GOLGA5: variants seen among roughly 807,000 people sequenced by gnomAD.
GOLGA5 encodes golgin subfamily A member 5.
Under a neutral mutation model 93.5 loss-of-function variants are expected in GOLGA5, and 50 were observed. The observed-to-expected ratio is 0.53, with a 90% confidence interval of 0.43 to 0.68. GOLGA5 has a LOEUF of 0.68. Ranked by LOEUF, GOLGA5 falls within the 30% of genes least tolerant of loss-of-function variation. GOLGA5 has a pLI of 0.00. For missense variants in GOLGA5, 760 were observed against 856.4 expected (o/e 0.89, Z 1.40); for synonymous variants, 312 against 304.5 (o/e 1.02, Z -0.26).
chr14:92,808,525 A>G (rs1036921121), intron 3 of GOLGA5, among the ~76,000 whole-genome samples: 53 of 152,076 alleles, frequency 3.5e-4, no homozygotes, highest in African/African-American at 1.3e-3. Flanking sequence ...GTACACCTGT[A>G]GGCTGAGCTA....
intron 10 of GOLGA5, among the ~76,000 whole-genome samples, chr14:92,834,676 C>T (rs988889034): frequency 6.6e-6 from 1 of 152,140 alleles, no homozygotes; most frequent in Admixed American, 6.5e-5. Context: ...TAGAATAGGC[C>T]GTTGAGGCCT....
chr14:92,831,290 C>G (rs777595122), intron 9 of GOLGA5, among the ~76,000 whole-genome samples: 6 of 152,328 alleles, frequency 3.9e-5, no homozygotes, highest in Non-Finnish European at 7.3e-5. Flanking sequence ...CACTAGAAGA[C>G]TTGTACATGA....
chr14:92,817,461 ATCT>A (rs1447512183), intron 7 of GOLGA5, among the ~76,000 whole-genome samples: 5 of 152,206 alleles, frequency 3.3e-5, no homozygotes, highest in Non-Finnish European at 7.3e-5. Flanking sequence ...CTCAGGGATG[ATCT>A]TCTAATTACA....
chr14:92,839,121 A>T (rs1885707222), intron 12 of GOLGA5, among the ~76,000 whole-genome samples: 1 of 152,234 alleles, frequency 6.6e-6, no homozygotes, highest in Admixed American at 6.5e-5. Flanking sequence ...TATTTTGCAT[A>T]CACGTGCATA....
chr14:92,811,412 CAAATT>C, intron 5 of GOLGA5, 134 bp from the exon 6 acceptor site: 1 of 635,260 alleles, frequency 1.6e-6, no homozygotes, highest in East Asian at 2.8e-5. Context: ...TAGCTCCTAA[CAAATT>C]AAGAATTTTT....
chr14:92,819,880 C>T (rs201241138), intron 8 of GOLGA5, 44 bp downstream of exon 8: 17 of 1,597,792 alleles, frequency 1.1e-5, no homozygotes, highest in African/African-American at 2.7e-5. Flanking sequence ...TGTCCTCTAG[C>T]GGTCATATGA....
At chr14:92,814,560 G>GT (rs1437359475) in intron 6 of GOLGA5, among the ~76,000 whole-genome samples, 3 of 151,894 alleles carry the variant, frequency 2.0e-5, no homozygotes, top group African/African-American at 4.8e-5. Context: ...GAGGTTTCTG[G>GT]TTTTTTATTA....
intron 8 of GOLGA5, 128 bp downstream of exon 8, chr14:92,819,964 G>A (rs1318268343): frequency 3.6e-6 from 3 of 824,054 alleles, no homozygotes; most frequent in East Asian, 2.7e-5. Context: ...AGTTCCTCCT[G>A]CCTTCCCATC....
At chr14:92,828,191 A>G (rs1885459829) in intron 9 of GOLGA5, among the ~76,000 whole-genome samples, 1 of 152,240 alleles carries the variant, frequency 6.6e-6, no homozygotes, top group Non-Finnish European at 1.5e-5. Flanking sequence ...CTCCTTCTCC[A>G]GGAGAGGAGA....
In GOLGA5 at chr14:92,816,363, A is replaced by G; in HGVS notation, c.1433A>G (p.Gln478Arg). Residue 478 changes from glutamine to arginine, a missense_variant, in exon 7 of 13, where the codon CAG becomes CGG. Transcript: ENST00000163416. The part of the protein sequence containing the change: ...LEELRHEKEM[Q>R]REEIQKLMGQ... ...GAACTTCGGCATGAGAAAGAGATGC[A>G]GAGGGAGGAAATACAGAAGCTGATG... 6.2e-7 allele frequency: 1 copy of G among 1,614,062 alleles called. No individual in the cohort carries two copies. The highest frequency in any genetic ancestry group is 8.5e-7 in the Non-Finnish European group (1 of 1,179,894).
At chr14:92,831,109 T>A (rs1280483582) in intron 9 of GOLGA5, among the ~76,000 whole-genome samples, 1 of 152,198 alleles carries the variant, frequency 6.6e-6, no homozygotes, top group Non-Finnish European at 1.5e-5. Flanking sequence ...TGGAAAAGAT[T>A]GGCAGTAGCA....
At chr14:92,806,261 A>G (rs1305711165) in intron 2 of GOLGA5, among the ~76,000 whole-genome samples, 1 of 152,158 alleles carries the variant, frequency 6.6e-6, no homozygotes, top group African/African-American at 2.4e-5. Flanking sequence ...CATATGCCCC[A>G]TTTATGAGAA....
chr14:92,806,391 C>T (rs1884986582), intron 2 of GOLGA5, among the ~76,000 whole-genome samples: 1 of 152,220 alleles, frequency 6.6e-6, no homozygotes, highest in Non-Finnish European at 1.5e-5. Context: ...CTCACTGCAA[C>T]ACCTTTGGCC....
intron 1 of GOLGA5, among the ~76,000 whole-genome samples, chr14:92,796,456 C>A (rs1243869201): frequency 1.3e-5 from 2 of 152,154 alleles, no homozygotes; most frequent in East Asian, 3.9e-4. Flanking sequence ...TCTGCCTTCT[C>A]CCTCTGTCCT....
chr14:92,818,379 A>G (rs2140325586), intron 7 of GOLGA5, among the ~76,000 whole-genome samples: 1 of 152,324 alleles, frequency 6.6e-6, no homozygotes. Flanking sequence ...TTTATAGTTG[A>G]AGAAATTTAG....
chr14:92,806,717 C>T lies in GOLGA5; in HGVS notation c.545-19C>T, dbSNP rs370791208. On this transcript the variant is annotated intron_variant, in intron 2 of 12. Transcript: ENST00000163416. Reference sequence around the variant, plus strand: ...GATGAACACGCCAATGTAACAAAAACGTATTCTTTTTTTTACAGAAGCTGC... The same window carrying T: ...GATGAACACGCCAATGTAACAAAAATGTATTCTTTTTTTTACAGAAGCTGC... The T allele has an allele frequency of 5.3e-5, 82 of 1,543,298 alleles. 1 individual carries two copies. In the Middle Eastern group the frequency reaches 6.7e-4, roughly 13 times the overall value.
At chr14:92,812,589 C>T (rs573342839) in intron 6 of GOLGA5, among the ~76,000 whole-genome samples, 1 of 152,274 alleles carries the variant, frequency 6.6e-6, no homozygotes, top group African/African-American at 2.4e-5. Context: ...TTTCCTACTA[C>T]ATGTCTGAAA....
intron 8 of GOLGA5, among the ~76,000 whole-genome samples, chr14:92,820,148 C>T (rs187488672): frequency 6.6e-6 from 1 of 152,286 alleles, no homozygotes; most frequent in Admixed American, 6.5e-5. Context: ...CTCTGCGTTC[C>T]CTCAGTATTT....
intron 9 of GOLGA5, among the ~76,000 whole-genome samples, chr14:92,829,363 T>G (rs145499746): frequency 1.3e-5 from 2 of 152,146 alleles, no homozygotes; most frequent in Admixed American, 1.3e-4. Flanking sequence ...CTGGAAAAGA[T>G]TCACTATACT....
Sources: gnomAD v4.1 joint callset for allele counts (sites outside exome capture counted in the v4.1 genomes callset) on GRCh38, gnomAD v4.1.1 for gene constraint, MANE v1.5 for transcripts, NCBI Gene and HGNC (gene_info 2026-07-23, HGNC 2026-07-21) for gene names.